PPA2: variants seen among roughly 807,000 people sequenced by gnomAD.
The protein encoded by PPA2 is inorganic pyrophosphatase 2, mitochondrial.
In PPA2, 48 loss-of-function variants were observed where a neutral mutation model predicts 49.5. The observed-to-expected ratio is 0.97, with a 90% CI of 0.77 to 1.23. The LOEUF (loss-of-function observed/expected upper bound fraction) is 1.23. Ranked by LOEUF, PPA2 falls within the 50% of genes most tolerant of loss-of-function variation. The pLI, the probability that PPA2 is intolerant of heterozygous loss-of-function variation, is 0.00. For missense variants in PPA2, 429 were observed against 410.1 expected (o/e 1.05, Z -0.40); for synonymous variants, 131 against 139.9 (o/e 0.94, Z 0.45).
At chr4:105,397,516 G>GTTAA (rs1240562408) in intron 8 of PPA2, among the ~76,000 whole-genome samples, 12 of 152,170 alleles carry the variant, frequency 7.9e-5, no homozygotes, top group African/African-American at 2.7e-4. Context: ...TTCCAACCAT[G>GTTAA]TTAAAGAGGC....
At chr4:105,460,512 C>T (rs528006922) in intron 1 of PPA2, among the ~76,000 whole-genome samples, 1 of 152,238 alleles carries the variant, frequency 6.6e-6, no homozygotes, top group African/African-American at 2.4e-5. Context: ...ATTCCAAGAA[C>T]AATCATCAAT....
rs761515078 is a variant in PPA2 at position 105,424,225 on chromosome 4, G to T, written c.626C>A (p.Ala209Glu). 10 of 1,607,984 alleles carry T rather than the reference G, an allele frequency of 6.2e-6. No homozygotes were observed. The highest frequency in any genetic ancestry group is 1.3e-5 in the African/African-American group (1 of 74,668). ...AAACTTTGAGGCTTCAGGATCATTCGCATTGATAGCAATTAATTTCCAATC... is the reference window on the plus strand; with the variant it reads ...AAACTTTGAGGCTTCAGGATCATTCTCATTGATAGCAATTAATTTCCAATC... ...ETDWKLIAINANDPEASKFHD... is the reference protein window; with the variant it reads ...ETDWKLIAINENDPEASKFHD... Residue 209 changes from alanine to glutamate, a missense_variant, in exon 7 of 12, where the codon GCG (alanine) becomes GAG (glutamate). By Grantham distance (107) the Ala-to-Glu change is moderately radical (BLOSUM62 -1). Transcript: ENST00000341695.
chr4:105,442,917 C>T (rs1472024381), intron 5 of PPA2, among the ~76,000 whole-genome samples: 3 of 152,158 alleles, frequency 2.0e-5, no homozygotes, highest in African/African-American at 4.8e-5. Flanking sequence ...ACAAATGTGA[C>T]ACACATACAC....
chr4:105,449,459 T>C, intron 3 of PPA2, 56 bp from the exon 4 acceptor site: 2 of 1,098,962 alleles, frequency 1.8e-6, no homozygotes, highest in South Asian at 1.4e-5. Flanking sequence ...TTTTATTTTT[T>C]CCGTTACCTC....
chr4:105,433,171 A>AAGTATACG (rs1188527934), intron 6 of PPA2, among the ~76,000 whole-genome samples: 1 of 151,794 alleles, frequency 6.6e-6, no homozygotes, highest in East Asian at 1.9e-4. Flanking sequence ...AAAAGTATAC[A>AAGTATACG]CCTCATGAAG....
chr4:105,459,295 T>A (rs887179144), intron 1 of PPA2, among the ~76,000 whole-genome samples: 2 of 152,218 alleles, frequency 1.3e-5, no homozygotes, highest in Non-Finnish European at 2.9e-5. Flanking sequence ...CTCTTTCATA[T>A]ATTACATCAG....
chr4:105,434,415 C>T (rs768975220), intron 6 of PPA2, among the ~76,000 whole-genome samples: 6 of 152,074 alleles, frequency 3.9e-5, no homozygotes, highest in Non-Finnish European at 8.8e-5. Flanking sequence ...CAATTTTGCC[C>T]TCTAGGGGAT....
chr4:105,461,272 A>C (rs916724263), intron 1 of PPA2, among the ~76,000 whole-genome samples: 9 of 152,256 alleles, frequency 5.9e-5, no homozygotes, highest in Non-Finnish European at 1.3e-4. Context: ...CACGGGACCC[A>C]TGTTCAAAAA....
intron 1 of PPA2, among the ~76,000 whole-genome samples, chr4:105,467,008 A>G (rs1229612069): frequency 6.6e-6 from 1 of 152,172 alleles, no homozygotes. Flanking sequence ...GCTGATCACC[A>G]GCTTCAGGTG....
intron 7 of PPA2, among the ~76,000 whole-genome samples, chr4:105,421,447 T>C (rs1355064235): frequency 6.6e-6 from 1 of 152,234 alleles, no homozygotes; most frequent in Non-Finnish European, 1.5e-5. Context: ...ATTAATTTTA[T>C]AATTTTTAAA....
At position 105,446,363 on chromosome 4, in the gene PPA2, C is replaced by T. The variant is rs768741654; in HGVS notation, c.441+20G>A. On this transcript the variant is annotated intron_variant, in intron 5 of 11. Coordinates refer to ENST00000341695, the MANE Select transcript of PPA2 (RefSeq NM_176869.3). ...TTTTCAGAAGACAGGAACATTTTAC[C>T]ATTGTAACAAAAATGTTACCTGAGG... 1 of 1,533,394 alleles carries T rather than the reference C, an allele frequency of 6.5e-7. No homozygotes were observed. The highest frequency in any genetic ancestry group is 2.4e-5 in the East Asian group (1 of 41,216). 95.0% of individuals were successfully genotyped at this position (1,533,394 alleles called of 1,614,324 possible). A position where few individuals can be genotyped will look rare whatever the true frequency, so the allele number is the denominator to read the frequency against.
At chr4:105,445,869 T>C (rs1229809973) in intron 5 of PPA2, among the ~76,000 whole-genome samples, 18 of 152,154 alleles carry the variant, frequency 1.2e-4, no homozygotes, top group Admixed American at 1.2e-3. Flanking sequence ...TTATCATTAT[T>C]TAGCTCTTGT....
rs138497316 is a variant in PPA2, at chr4:105,427,704, A to G, written c.529-3382T>C. ...CCAAGAAATATAGGACTATGTGAAA[A>G]GACCAAAACTACGTTTGATTGGTGT... On this transcript the variant is annotated intron_variant, in intron 6 of 11. Transcript: ENST00000341695. Among the ~76,000 whole-genome samples, 455 of 152,366 alleles carry G rather than the reference A, an allele frequency of 3.0e-3. 5 individuals carry two copies. Among genetic ancestry groups the G allele is most frequent in the African/African-American group, 0.011 (439 of 41,594 alleles).
At chr4:105,434,941 C>T (rs1012502885) in intron 6 of PPA2, among the ~76,000 whole-genome samples, 22 of 152,322 alleles carry the variant, frequency 1.4e-4, no homozygotes, top group South Asian at 6.2e-4. Context: ...AAAACCACCA[C>T]GCTTCAATTC....
intron 6 of PPA2, among the ~76,000 whole-genome samples, chr4:105,434,257 G>T (rs1037874881): frequency 1.3e-5 from 2 of 152,178 alleles, no homozygotes; most frequent in Non-Finnish European, 2.9e-5. Context: ...CTTCAGGAGG[G>T]TATGGCACAT....
chr4:105,399,194 GT>G, intron 7 of PPA2, 30 bp from the exon 8 acceptor site: 1 of 1,571,256 alleles, frequency 6.4e-7, no homozygotes, highest in Non-Finnish European at 8.6e-7. Flanking sequence ...AAGATGTTTT[GT>G]TAAGAACCAA....
intron 6 of PPA2, among the ~76,000 whole-genome samples, chr4:105,430,510 G>A (rs1723746435): frequency 6.6e-6 from 1 of 152,202 alleles, no homozygotes; most frequent in African/African-American, 2.4e-5. Flanking sequence ...GGGCCGAACA[G>A]CATATAAGAC....
At chr4:105,426,102 T>G (rs77992652) in intron 6 of PPA2, among the ~76,000 whole-genome samples, 5,756 of 152,248 alleles carry the variant, frequency 0.038, 328 homozygotes, top group African/African-American at 0.12. Context: ...TGTATACATA[T>G]GTCAAAACTC....
chr4:105,457,815 T>C (rs1433057016), intron 1 of PPA2, among the ~76,000 whole-genome samples: 1 of 152,172 alleles, frequency 6.6e-6, no homozygotes, highest in Non-Finnish European at 1.5e-5. Flanking sequence ...CCACCTACTT[T>C]GGGCCTCCCG....
Sources: allele counts gnomAD v4.1 joint callset (sites outside exome capture counted in the v4.1 genomes callset), GRCh38; gene constraint gnomAD v4.1.1; transcripts MANE v1.5; gene names NCBI Gene and HGNC (gene_info 2026-07-23, HGNC 2026-07-21).